The following FAM193A variants were observed in gnomAD, a reference collection of about 807,000 sequenced individuals.
FAM193A encodes the protein family with sequence similarity 193 member A, also known as protein FAM193A.
A neutral mutation model predicts 126.5 loss-of-function variants in FAM193A; 22 were observed. That is an observed-to-expected ratio of 0.17 (90% CI 0.12 to 0.25). The LOEUF (loss-of-function observed/expected upper bound fraction) is 0.25, where lower values mean the gene tolerates loss of function less well. Among genes scored for constraint, FAM193A ranks in the 10% least tolerant of loss-of-function variants. The pLI is 1.00. For missense variants in FAM193A, 1,675 were observed against 1,672.8 expected (o/e 1.00, Z -0.02); for synonymous variants, 761 against 646.8 (o/e 1.18, Z -2.68).
At chr4:2,561,003 C>A (rs1368034303) in intron 1 of FAM193A, among the ~76,000 whole-genome samples, 1 of 152,180 alleles carries the variant, frequency 6.6e-6, no homozygotes, top group Non-Finnish European at 1.5e-5. Context: ...CTAGAACTTT[C>A]TTTGCCTTCC....
chr4:2,702,513 G>C (rs1263968954), intron 19 of FAM193A, among the ~76,000 whole-genome samples: 1 of 152,212 alleles, frequency 6.6e-6, no homozygotes, highest in Non-Finnish European at 1.5e-5. Flanking sequence ...TCAGTCAGCA[G>C]AGCAGGAGGA....
chr4:2,665,192 A>C (rs995230679), intron 12 of FAM193A, among the ~76,000 whole-genome samples: 2 of 152,168 alleles, frequency 1.3e-5, no homozygotes, highest in African/African-American at 4.8e-5. Flanking sequence ...TTGTGTCTGG[A>C]ATATATAAGT....
intron 20 of FAM193A, among the ~76,000 whole-genome samples, chr4:2,726,467 G>C (rs976866767): frequency 6.6e-6 from 1 of 152,118 alleles, no homozygotes; most frequent in Non-Finnish European, 1.5e-5. Context: ...GGAAAAAAAA[G>C]GGAAACTGCC....
In FAM193A at chr4:2,631,048, T is replaced by A. The variant is rs770183264; in HGVS notation, c.917T>A (p.Val306Glu). The stretch of plus-strand genomic sequence containing the variant: ...CGGCAGCTGTCGGCTGCGGCCAAGG[T>A]GAAGGCACCATCTGGCCTGCAGGGC... ...LLRQLSAAAK[V>E]KAPSGLQGPP... Residue 306 changes from valine to glutamate, a missense_variant, in exon 5 of 21, where the codon GTG becomes GAG. Around this residue, in one of 4 missense-constraint regions of FAM193A, gnomAD observed 1,186 missense variants for 1,109.2 expected, o/e 1.07. Coordinates refer to ENST00000637812, the MANE Select transcript of FAM193A (RefSeq NM_001366318.2). 6.2e-7 allele frequency: 1 copy of A among 1,613,292 alleles called. No homozygotes were observed. Among genetic ancestry groups the A allele is most frequent in the Non-Finnish European group, 8.5e-7 (1 of 1,179,978 alleles).
At chr4:2,725,332 C>T (rs1451108383) in intron 20 of FAM193A, among the ~76,000 whole-genome samples, 2 of 151,446 alleles carry the variant, frequency 1.3e-5, no homozygotes, top group Admixed American at 6.6e-5. Context: ...GTAGTAGTTC[C>T]AGCTACCTGG....
intron 1 of FAM193A, among the ~76,000 whole-genome samples, chr4:2,544,347 G>A (rs2108807317): frequency 6.6e-6 from 1 of 151,970 alleles, no homozygotes; most frequent in East Asian, 1.9e-4. Flanking sequence ...ATCACTTGAG[G>A]CCAGGAGTTC....
intron 1 of FAM193A, among the ~76,000 whole-genome samples, chr4:2,540,134 A>T (rs1027613180): frequency 6.9e-6 from 1 of 145,382 alleles, no homozygotes; most frequent in African/African-American, 2.5e-5. Context: ...AAAAAAAAAA[A>T]TCCCATCCTT....
At chr4:2,654,263 T>C (rs1745950055) in intron 7 of FAM193A, among the ~76,000 whole-genome samples, 2 of 151,976 alleles carry the variant, frequency 1.3e-5, no homozygotes, top group African/African-American at 4.8e-5. Context: ...CTCTCTCAAC[T>C]AGGCGGTGGT....
chr4:2,642,417 C>T (rs1013811555), intron 6 of FAM193A, among the ~76,000 whole-genome samples: 3 of 152,314 alleles, frequency 2.0e-5, no homozygotes, highest in South Asian at 2.1e-4. Flanking sequence ...TTAGCCATTC[C>T]TTCCCTTCTG....
rs868525416 is a variant in FAM193A, at chr4:2,642,450, G to A, written c.1163+2591G>A. 1.4e-4 allele frequency among the ~76,000 whole-genome samples: 22 copies of A among 152,132 alleles called. 1 individual carries two copies. Among genetic ancestry groups the A allele is most frequent in the Non-Finnish European group, 2.2e-4 (15 of 68,028 alleles). On this transcript the variant is annotated intron_variant, in intron 6 of 20. Transcript: ENST00000637812. The stretch of plus-strand genomic sequence containing the variant: ...CTGTGGCCACTGTGTATCAAGATTG[G>A]AAAGTCCTTACTCTGACCCTTGCAG...
At chr4:2,605,996 A>G (rs868316802) in intron 2 of FAM193A, among the ~76,000 whole-genome samples, 2,904 of 142,586 alleles carry the variant, frequency 0.02, 202 homozygotes, top group African/African-American at 0.076. Flanking sequence ...AAAAAAAAAA[A>G]AATGGTTTAG....
intron 19 of FAM193A, among the ~76,000 whole-genome samples, chr4:2,705,621 G>A (rs1424783344): frequency 1.3e-4 from 20 of 151,856 alleles, no homozygotes; most frequent in Admixed American, 1.3e-3. Context: ...ATAGGGTCTT[G>A]CTCTGTCACC....
At chr4:2,586,157 C>A (rs1411920821) in intron 1 of FAM193A, among the ~76,000 whole-genome samples, 2 of 151,738 alleles carry the variant, frequency 1.3e-5, no homozygotes, top group Admixed American at 1.3e-4. Flanking sequence ...GCAGGAGAAT[C>A]ACTTGAACCC....
intron 1 of FAM193A, among the ~76,000 whole-genome samples, chr4:2,584,276 A>G (rs765457071): frequency 5.3e-5 from 8 of 152,086 alleles, no homozygotes; most frequent in Non-Finnish European, 1.2e-4. Context: ...TTCTTAAAAA[A>G]ATTAGCGGTG....
chr4:2,722,201 G>T (rs1215975465), intron 20 of FAM193A, among the ~76,000 whole-genome samples: 1 of 152,158 alleles, frequency 6.6e-6, no homozygotes, highest in African/African-American at 2.4e-5. Context: ...TGGTTATGTG[G>T]CTGTCCTGTG....
intron 13 of FAM193A, among the ~76,000 whole-genome samples, chr4:2,686,808 C>T (rs1462845541): frequency 6.6e-6 from 1 of 152,234 alleles, no homozygotes; most frequent in African/African-American, 2.4e-5. Flanking sequence ...TGGCATCTGT[C>T]ACGGGCTTCT....
intron 1 of FAM193A, among the ~76,000 whole-genome samples, chr4:2,554,171 G>T (rs1738116056): frequency 6.6e-6 from 1 of 152,038 alleles, no homozygotes; most frequent in South Asian, 2.1e-4. Flanking sequence ...TGCAACCTCT[G>T]CCTCCCGGGT....
At chr4:2,634,427 T>C (rs767025043) in intron 5 of FAM193A, among the ~76,000 whole-genome samples, 1 of 152,060 alleles carries the variant, frequency 6.6e-6, no homozygotes, top group Non-Finnish European at 1.5e-5. Flanking sequence ...GTAAAAAAAG[T>C]CATAAAACAC....
intron 19 of FAM193A, among the ~76,000 whole-genome samples, chr4:2,700,972 A>G (rs1238069577): frequency 6.7e-6 from 1 of 149,986 alleles, no homozygotes; most frequent in African/African-American, 2.5e-5. Context: ...CAAAAAATAC[A>G]TATAGAGAGA....
Sources: gnomAD v4.1 joint callset for allele counts (sites outside exome capture counted in the v4.1 genomes callset) on GRCh38, gnomAD v4.1.1 for gene constraint, gnomAD v4.1.1 regional missense constraint, MANE v1.5 for transcripts, NCBI Gene and HGNC (gene_info 2026-07-23, HGNC 2026-07-21) for gene names.